Variants in KCNMA1 observed in about 807,000 individuals in gnomAD.
KCNMA1 encodes the protein Calcium-activated potassium channel subunit alpha-1.
KCNMA1 carries 29 observed loss-of-function variants against 140.0 expected under a neutral mutation model. That is an observed-to-expected ratio of 0.21 (90% CI 0.15 to 0.28). KCNMA1 has a LOEUF of 0.28. KCNMA1 is among the 10% of genes least tolerant of loss of function. The pLI, the probability that KCNMA1 is intolerant of heterozygous loss-of-function variation, is 1.00. For synonymous variants in KCNMA1, 612 were observed against 611.9 expected, an observed-to-expected ratio of 1.00 and a Z score of 0.00; for missense variants, 880 against 1,602.2, an observed-to-expected ratio of 0.55 and a Z score of 7.70.
At chr10:76,979,745 G>C (rs1057241053) in intron 19 of KCNMA1, 1 of 152,102 alleles carries the variant, frequency 6.6e-6, no homozygotes, top group Non-Finnish European at 1.5e-5. Context: ...TTGAGCCAAT[G>C]GTGTCAAGAG....
chr10:77,438,950 C>T lies in KCNMA1; in HGVS notation c.379-34927G>A, dbSNP rs981028115. Among the ~76,000 whole-genome samples the T allele has an allele frequency of 4.6e-5, 7 of 152,106 alleles. No homozygotes were observed. The East Asian group carries it at 7.7e-4, about 17-fold the overall frequency. ...AAATTAGCCGGGGTGATGGTGCATG[C>T]CTGTGGTCCCAGCTACTCGGGAGGC... On this transcript the variant is annotated intron_variant, in intron 1 of 27. Transcript: ENST00000286628.
chr10:77,541,544 T>A (rs1239484751), intron 1 of KCNMA1, among the ~76,000 whole-genome samples: 1 of 152,136 alleles, frequency 6.6e-6, no homozygotes, highest in African/African-American at 2.4e-5. Flanking sequence ...TTTCTATTAC[T>A]CCAAAGCCCA....
chr10:77,352,098 C>A (rs1603337180), intron 2 of KCNMA1, among the ~76,000 whole-genome samples: 1 of 152,352 alleles, frequency 6.6e-6, no homozygotes, highest in East Asian at 1.9e-4. Flanking sequence ...CACACCTGTG[C>A]CAGCCACAAA....
At position 77,436,424 on chromosome 10, in the gene KCNMA1, A is replaced by G. The variant is rs140010079; in HGVS notation, c.379-32401T>C. On this transcript the variant is annotated intron_variant, in intron 1 of 27. Coordinates refer to ENST00000286628, the MANE Select transcript of KCNMA1 (RefSeq NM_001161352.2). ...CCCCTAAAGACTTAAGTGTTTGTTA[A>G]CAGATTACTAACCATTTGGCAGGAG... Among the ~76,000 whole-genome samples, 269 of 149,856 alleles carry G rather than the reference A, an allele frequency of 1.8e-3. 2 individuals are homozygous for G. The highest frequency in any genetic ancestry group is 6.3e-3 in the African/African-American group (257 of 40,796).
chr10:77,528,585 G>C (rs1313360894), intron 1 of KCNMA1, among the ~76,000 whole-genome samples: 1 of 151,174 alleles, frequency 6.6e-6, no homozygotes, highest in East Asian at 1.9e-4. Flanking sequence ...CTCCAGCCTG[G>C]GTGACAGAGT....
At chr10:77,439,049 C>T (rs182997418) in intron 1 of KCNMA1, among the ~76,000 whole-genome samples, 72 of 146,912 alleles carry the variant, frequency 4.9e-4, no homozygotes, top group African/African-American at 1.7e-3. Context: ...CCAGCCTGGG[C>T]GACAGAGCGA....
chr10:76,876,134 A>C (rs1200733728), downstream of KCNMA1: 1 of 152,608 alleles, frequency 6.6e-6, no homozygotes, highest in Non-Finnish European at 1.5e-5. Flanking sequence ...ATATGTCTTC[A>C]TGATGATCTC....
intron 1 of KCNMA1, among the ~76,000 whole-genome samples, chr10:77,622,000 T>G (rs138535659): frequency 6.6e-6 from 1 of 152,332 alleles, no homozygotes; most frequent in East Asian, 1.9e-4. Flanking sequence ...GTGGCACATG[T>G]GCTGTGGTTC....
intron 1 of KCNMA1, among the ~76,000 whole-genome samples, chr10:77,525,086 C>T (rs980580633): frequency 1.4e-4 from 21 of 152,136 alleles, no homozygotes; most frequent in Non-Finnish European, 2.2e-4. Flanking sequence ...TTTATCTGGA[C>T]GATATCTACC....
intron 1 of KCNMA1, among the ~76,000 whole-genome samples, chr10:77,598,206 A>C (rs900802573): frequency 9.9e-5 from 15 of 152,106 alleles, no homozygotes; most frequent in African/African-American, 3.6e-4. Context: ...CATGACCTCA[A>C]GTGATCCGCC....
chr10:77,110,356 G>C lies in KCNMA1; in HGVS notation c.961-13C>G, dbSNP rs201400753. 2.8e-4 allele frequency: 450 copies of C among 1,610,478 alleles called. 1 individual carries two copies. In the African/African-American group the frequency reaches 4.9e-3, roughly 17 times the overall value. On this transcript the variant is annotated splice_polypyrimidine_tract_variant and intron_variant, in intron 7 of 27. Coordinates refer to ENST00000286628, the MANE Select transcript of KCNMA1 (RefSeq NM_001161352.2). ...CTGAATTCTCCACCTAAAGCAAATG[G>C]GACAGGGGAGAAAAAAGAAAAACAT... is the stretch of plus-strand genomic sequence containing the variant.
At chr10:77,130,929 T>C (rs551732854) in intron 5 of KCNMA1, among the ~76,000 whole-genome samples, 2 of 152,292 alleles carry the variant, frequency 1.3e-5, no homozygotes, top group South Asian at 4.2e-4. Flanking sequence ...TAAAAATGTC[T>C]TTGGTCAATA....
rs145728835 is a variant in KCNMA1, at chr10:76,915,271, A to C, written c.2903-222T>G. Among the ~76,000 whole-genome samples the C allele has an allele frequency of 6.3e-4, 96 of 152,278 alleles. 1 individual carries two copies. The East Asian group carries it at 0.015, about 23-fold the overall frequency. ...TAACTCACTTCATAGTTCCCTAAAA[A>C]ATCCAGACTTCATACCAATTATTTA... On this transcript the variant is annotated intron_variant, in intron 23 of 27. Transcript: ENST00000286628.
intron 1 of KCNMA1, among the ~76,000 whole-genome samples, chr10:77,577,516 T>C (rs1341366828): frequency 6.6e-6 from 1 of 152,158 alleles, no homozygotes; most frequent in Non-Finnish European, 1.5e-5. Flanking sequence ...TTTCATATGG[T>C]AATAAATAAC....
At chr10:77,314,012 T>C (rs919523889) in intron 2 of KCNMA1, 1 of 152,062 alleles carries the variant, frequency 6.6e-6, no homozygotes, top group Admixed American at 6.6e-5. Flanking sequence ...GAAATGAGAA[T>C]GGAATGAAAT....
At position 76,886,139 on chromosome 10, in the gene KCNMA1, G is replaced by T; in HGVS notation, c.*1127C>A. The T allele has an allele frequency of 1.0e-6, 1 of 985,314 alleles. No homozygotes were observed. The highest frequency in any genetic ancestry group is 1.2e-6 in the Non-Finnish European group (1 of 829,914). The allele number at this position is 985,314 out of a possible 1,614,324, so 61.0% of individuals were successfully genotyped here. A position where few individuals can be genotyped will look rare whatever the true frequency, so the allele number is the denominator to read the frequency against. ...ACATTCTAATTTATTTAGCATGTCGGCTCCTAGAAAAGCATGATCTGCAGC... is the reference window on the plus strand; with the variant it reads ...ACATTCTAATTTATTTAGCATGTCGTCTCCTAGAAAAGCATGATCTGCAGC... On this transcript the variant is annotated 3_prime_UTR_variant, in exon 28 of 28. Coordinates refer to ENST00000286628, the MANE Select transcript of KCNMA1 (RefSeq NM_001161352.2).
At chr10:77,050,288 A>T (rs11001995) in intron 14 of KCNMA1, among the ~76,000 whole-genome samples, 1 of 151,842 alleles carries the variant, frequency 6.6e-6, no homozygotes, top group African/African-American at 2.4e-5. Flanking sequence ...AAAAAAAAAT[A>T]AAAAAACAAA....
chr10:76,884,044 CT>C, downstream of KCNMA1: 1 of 932,070 alleles, frequency 1.1e-6, no homozygotes, highest in Non-Finnish European at 1.3e-6. Flanking sequence ...AATTCCATCT[CT>C]TATCATAGTC....
chr10:77,519,590 GC>G (rs2052067462), intron 1 of KCNMA1, among the ~76,000 whole-genome samples: 1 of 152,104 alleles, frequency 6.6e-6, no homozygotes, highest in South Asian at 2.1e-4. Context: ...TAATATCACG[GC>G]CAAGGTCACT....
Sources: allele counts gnomAD v4.1 joint callset (sites outside exome capture counted in the v4.1 genomes callset), GRCh38; gene constraint gnomAD v4.1.1; transcripts MANE v1.5; gene names NCBI Gene and HGNC (gene_info 2026-07-23, HGNC 2026-07-21).